Variants in ZC3H12B observed in about 807,000 individuals in gnomAD.
ZC3H12B encodes the protein zinc finger CCCH-type containing 12B.
ZC3H12B carries 7 observed loss-of-function variants against 43.9 expected under a neutral mutation model. The ratio of observed to expected loss-of-function variants is 0.16; its 90% CI spans 0.09 to 0.30. The LOEUF (loss-of-function observed/expected upper bound fraction) is 0.30, where lower values mean the gene tolerates loss of function less well. Ranked by LOEUF, ZC3H12B falls within the 10% of genes least tolerant of loss-of-function variation. The pLI, the probability that ZC3H12B is intolerant of heterozygous loss-of-function variation, is 1.00. For missense variants in ZC3H12B, 475 were observed against 670.2 expected (o/e 0.71, Z 3.22); for synonymous variants, 222 against 241.7 (o/e 0.92, Z 0.76).
At chrX:65,440,919 T>C (rs927054592) in intron 3 of ZC3H12B, among the ~76,000 whole-genome samples, 2 of 112,744 alleles carry the variant, frequency 1.8e-5, no homozygotes, top group African/African-American at 6.4e-5. Flanking sequence ...GCCATTGTTC[T>C]ATCCAAATTG....
chrX:65,295,149 A>G, the ZC3H12B span, among the ~76,000 whole-genome samples: 1 of 111,539 alleles, frequency 9.0e-6, no homozygotes, highest in African/African-American at 3.2e-5. Flanking sequence ...AAATGATATT[A>G]AGTATTGTCA....
chrX:65,438,978 A>G (rs1246996015), intron 3 of ZC3H12B, among the ~76,000 whole-genome samples: 1 of 112,912 alleles, frequency 8.9e-6, no homozygotes, highest in African/African-American at 3.2e-5. Context: ...GATAAAAGCA[A>G]GGGCAGCTTT....
chrX:65,111,070 T>C, the ZC3H12B span, among the ~76,000 whole-genome samples: 42 of 111,613 alleles, frequency 3.8e-4, no homozygotes, highest in Non-Finnish European at 7.4e-4. Flanking sequence ...TTTGATTTTA[T>C]GTTGATCTTG....
the ZC3H12B span, among the ~76,000 whole-genome samples, chrX:65,228,625 C>G: frequency 2.7e-5 from 3 of 111,646 alleles, no homozygotes; most frequent in Non-Finnish European, 3.8e-5. Context: ...GATTGTATAT[C>G]TAGAAAACCC....
chrX:65,374,060 T>C (rs1409655523), intron 2 of ZC3H12B, among the ~76,000 whole-genome samples: 2 of 64,207 alleles, frequency 3.1e-5, no homozygotes, highest in African/African-American at 1.4e-4. Flanking sequence ...TATAACTATA[T>C]ATATACAGTA....
the ZC3H12B span, among the ~76,000 whole-genome samples, chrX:65,284,331 T>C: frequency 9.0e-6 from 1 of 110,547 alleles, no homozygotes; most frequent in Non-Finnish European, 1.9e-5. Flanking sequence ...TAATAGATCT[T>C]AATCAGAAGA....
chrX:65,475,707 A>G (rs1267718717), intron 3 of ZC3H12B, among the ~76,000 whole-genome samples: 1 of 112,380 alleles, frequency 8.9e-6, no homozygotes, highest in Non-Finnish European at 1.9e-5. Flanking sequence ...CCTCACAATC[A>G]TGGCAGAAGG....
chrX:65,505,169 C>T (rs901026617), exon 5 of ZC3H12B: 3 of 112,461 alleles, frequency 2.7e-5, no homozygotes, highest in Non-Finnish European at 5.6e-5. Flanking sequence ...GATCAGCTCA[C>T]TATTTCCTGA....
At chrX:65,159,090 C>T in the ZC3H12B span, among the ~76,000 whole-genome samples, 17 of 111,422 alleles carry the variant, frequency 1.5e-4, no homozygotes, top group South Asian at 3.8e-4. Context: ...TGTAGATATG[C>T]GGCATTATTT....
chrX:65,349,814 A>G, the ZC3H12B span, among the ~76,000 whole-genome samples: 109 of 112,105 alleles, frequency 9.7e-4, 1 homozygote, highest in African/African-American at 3.4e-3. Flanking sequence ...AAGAAGTTGA[A>G]TTCCTGAATA....
chrX:65,427,115 A>G (rs2067092631), intron 3 of ZC3H12B, among the ~76,000 whole-genome samples: 2 of 111,574 alleles, frequency 1.8e-5, no homozygotes, highest in African/African-American at 6.5e-5. Context: ...GAAGGTCTCT[A>G]AGAACTTGTT....
At chrX:65,216,191 G>A in the ZC3H12B span, among the ~76,000 whole-genome samples, 1 of 111,859 alleles carries the variant, frequency 8.9e-6, no homozygotes, top group African/African-American at 3.3e-5. Flanking sequence ...ACAGTATCTG[G>A]TTTCAACACA....
the ZC3H12B span, among the ~76,000 whole-genome samples, chrX:65,042,575 G>A: frequency 1.8e-5 from 2 of 112,020 alleles, no homozygotes; most frequent in East Asian, 5.6e-4. Flanking sequence ...TAATTACTAA[G>A]GATTAATTTA....
At chrX:65,308,252 A>G in the ZC3H12B span, among the ~76,000 whole-genome samples, 1 of 110,431 alleles carries the variant, frequency 9.1e-6, no homozygotes, top group Non-Finnish European at 1.9e-5. Flanking sequence ...CCATAAAAAT[A>G]TGTGCAGAGA....
chrX:65,216,578 A>G, the ZC3H12B span, among the ~76,000 whole-genome samples: 9 of 111,524 alleles, frequency 8.1e-5, no homozygotes, highest in African/African-American at 2.6e-4. Context: ...CTGGTACGGC[A>G]TTGGTCTCTG....
At chrX:65,358,336 A>T in the ZC3H12B span, among the ~76,000 whole-genome samples, 1 of 111,932 alleles carries the variant, frequency 8.9e-6, no homozygotes, top group Non-Finnish European at 1.9e-5. Context: ...AGCAGACCTA[A>T]TAGATATCTA....
chrX:65,368,354 C>T (rs1264881345), intron 1 of ZC3H12B, among the ~76,000 whole-genome samples: 1 of 110,821 alleles, frequency 9.0e-6, no homozygotes, highest in Non-Finnish European at 1.9e-5. Context: ...TTTTGTTTTG[C>T]ATAAAAGGTC....
the ZC3H12B span, among the ~76,000 whole-genome samples, chrX:65,118,025 G>A: frequency 8.9e-6 from 1 of 111,768 alleles, no homozygotes; most frequent in Non-Finnish European, 1.9e-5. Context: ...TTTTAGCTTA[G>A]GATTGTCTTG....
At chrX:65,454,471 A>C (rs1472703958) in intron 3 of ZC3H12B, among the ~76,000 whole-genome samples, 1 of 111,993 alleles carries the variant, frequency 8.9e-6, no homozygotes, top group Non-Finnish European at 1.9e-5. Flanking sequence ...TAGGTAAACA[A>C]AGCAGCTGGG....
Sources: allele counts gnomAD v4.1 joint callset (sites outside exome capture counted in the v4.1 genomes callset), GRCh38; gene constraint gnomAD v4.1.1; transcripts MANE v1.5; gene names NCBI Gene and HGNC (gene_info 2026-07-23, HGNC 2026-07-21).